AGBL4: variants seen among roughly 807,000 people sequenced by gnomAD.
AGBL4 encodes cytosolic carboxypeptidase 6.
In AGBL4, 58 loss-of-function variants were observed where a neutral mutation model predicts 66.4. The ratio of observed to expected loss-of-function variants is 0.87; its 90% CI spans 0.71 to 1.09. The LOEUF is 1.09. Ranked by LOEUF, AGBL4 falls within the 50% of genes least tolerant of loss-of-function variation. The pLI, the probability that AGBL4 is intolerant of heterozygous loss-of-function variation, is 0.00. For synonymous variants in AGBL4, 234 were observed against 222.9 expected (o/e 1.05, Z -0.44); for missense variants, 579 against 631.0 (o/e 0.92, Z 0.88).
chr1:49,883,862 G>A (rs1300283800), intron 1 of AGBL4, among the ~76,000 whole-genome samples: 1 of 151,956 alleles, frequency 6.6e-6, no homozygotes, highest in African/African-American at 2.4e-5. Context: ...AGCCTGCAGT[G>A]TTAATTCAAT....
At chr1:48,650,712 T>C (rs1046381875) in intron 8 of AGBL4, among the ~76,000 whole-genome samples, 1 of 152,238 alleles carries the variant, frequency 6.6e-6, no homozygotes, top group African/African-American at 2.4e-5. Context: ...ATTCTTGGAA[T>C]GGCATTTCCC....
At chr1:48,755,496 G>A (rs1191778064) in intron 6 of AGBL4, among the ~76,000 whole-genome samples, 1 of 152,222 alleles carries the variant, frequency 6.6e-6, no homozygotes, top group African/African-American at 2.4e-5. Context: ...GCCTCCAGGA[G>A]CAACACTCAA....
intron 3 of AGBL4, among the ~76,000 whole-genome samples, chr1:49,580,089 T>C (rs1226928136): frequency 6.6e-6 from 1 of 152,196 alleles, no homozygotes; most frequent in Non-Finnish European, 1.5e-5. Context: ...TTTTTAACTA[T>C]GTTGATTTAA....
At chr1:49,006,174 G>C (rs183365280) in intron 5 of AGBL4, among the ~76,000 whole-genome samples, 155 of 152,198 alleles carry the variant, frequency 1.0e-3, no homozygotes, top group African/African-American at 3.6e-3. Context: ...TGCGTGCACC[G>C]TGCGCGAGCC....
At chr1:48,853,776 A>C (rs1647084157) in intron 6 of AGBL4, among the ~76,000 whole-genome samples, 1 of 152,094 alleles carries the variant, frequency 6.6e-6, no homozygotes. Flanking sequence ...CTATAATTGC[A>C]CTGCTTCAGG....
chr1:48,760,495 T>C (rs1031550222), intron 6 of AGBL4, among the ~76,000 whole-genome samples: 34 of 152,326 alleles, frequency 2.2e-4, no homozygotes, highest in South Asian at 8.3e-4. Flanking sequence ...GTGCTACTAG[T>C]GTAGATGAAT....
At position 49,191,155 on chromosome 1, in the gene AGBL4, A is replaced by G. The variant is rs539470036; in HGVS notation, c.377+54615T>C. On this transcript the variant is annotated intron_variant, in intron 4 of 13. Transcript: ENST00000371839. ...GAATGGAAAGTTCCTTAAACAGTCAACTCAGATACAAAGAAGGTCCTGTAC... is the reference window on the plus strand; with the variant it reads ...GAATGGAAAGTTCCTTAAACAGTCAGCTCAGATACAAAGAAGGTCCTGTAC... Among the ~76,000 whole-genome samples the G allele has an allele frequency of 4.0e-4, 61 of 152,364 alleles. 1 individual carries two copies. The South Asian group carries it at 0.013, about 32-fold the overall frequency.
intron 3 of AGBL4, among the ~76,000 whole-genome samples, chr1:49,287,524 A>C (rs1173165654): frequency 1.3e-5 from 2 of 151,224 alleles, no homozygotes; most frequent in Non-Finnish European, 3.0e-5. Flanking sequence ...CAAGAAAAAA[A>C]CAAACAACCC....
At chr1:49,950,097 CAT>C (rs745795784) in intron 1 of AGBL4, among the ~76,000 whole-genome samples, 126 of 137,596 alleles carry the variant, frequency 9.2e-4, no homozygotes, top group East Asian at 1.9e-3. Flanking sequence ...TATATATACA[CAT>C]ATATATACAT....
At chr1:49,798,653 G>A (rs1442447068) in intron 2 of AGBL4, among the ~76,000 whole-genome samples, 1 of 152,006 alleles carries the variant, frequency 6.6e-6, no homozygotes, top group Non-Finnish European at 1.5e-5. Flanking sequence ...TTTTATTTAA[G>A]TTCTTATTGC....
intron 3 of AGBL4, among the ~76,000 whole-genome samples, chr1:49,260,008 G>C (rs1485738352): frequency 3.5e-4 from 53 of 151,644 alleles, no homozygotes; most frequent in African/African-American, 1.2e-3. Context: ...GAAACTCACT[G>C]AAAACCGCTC....
intron 10 of AGBL4, 128 bp from the exon 11 acceptor site, chr1:48,587,294 A>G (rs1370645753): frequency 2.2e-6 from 2 of 889,924 alleles, no homozygotes; most frequent in East Asian, 2.7e-5. Flanking sequence ...CCCTCATCAC[A>G]TGATTATTAT....
chr1:49,586,865 G>A (rs1189212240), intron 3 of AGBL4, among the ~76,000 whole-genome samples: 1 of 152,098 alleles, frequency 6.6e-6, no homozygotes, highest in African/African-American at 2.4e-5. Flanking sequence ...ACATACACCA[G>A]AGTGTCCCTC....
At chr1:48,549,686 A>G (rs1033081422) in intron 11 of AGBL4, among the ~76,000 whole-genome samples, 12 of 152,144 alleles carry the variant, frequency 7.9e-5, no homozygotes, top group African/African-American at 2.2e-4. Flanking sequence ...AGAGAGACTC[A>G]GGCTTGAAAA....
intron 5 of AGBL4, among the ~76,000 whole-genome samples, chr1:48,889,416 G>A (rs1009648479): frequency 6.6e-5 from 10 of 152,200 alleles, no homozygotes; most frequent in African/African-American, 2.2e-4. Context: ...GGTATAGACA[G>A]GAGGAAGAAT....
chr1:49,402,728 T>C (rs1482376823), intron 3 of AGBL4, among the ~76,000 whole-genome samples: 1 of 151,958 alleles, frequency 6.6e-6, no homozygotes, highest in African/African-American at 2.4e-5. Context: ...CCACCACATC[T>C]GGCTAATTTT....
chr1:49,502,865 A>G (rs1461813747), intron 3 of AGBL4, among the ~76,000 whole-genome samples: 1 of 152,102 alleles, frequency 6.6e-6, no homozygotes, highest in Non-Finnish European at 1.5e-5. Context: ...GAGCATAAAA[A>G]TTTGGAAAAT....
intron 2 of AGBL4, among the ~76,000 whole-genome samples, chr1:49,738,633 A>G (rs1027189677): frequency 3.3e-5 from 5 of 152,194 alleles, no homozygotes; most frequent in African/African-American, 1.2e-4. Context: ...ACCCCCAAGT[A>G]GCCTAACTGG....
chr1:49,290,947 C>T (rs191384170), intron 3 of AGBL4, among the ~76,000 whole-genome samples: 3 of 152,146 alleles, frequency 2.0e-5, no homozygotes, highest in South Asian at 2.1e-4. Flanking sequence ...GAGTTTGAGG[C>T]TGCAGTGCAG....
Sources: gnomAD v4.1 joint callset for allele counts (sites outside exome capture counted in the v4.1 genomes callset) on GRCh38, gnomAD v4.1.1 for gene constraint, MANE v1.5 for transcripts, NCBI Gene and HGNC (gene_info 2026-07-23, HGNC 2026-07-21) for gene names.